Variants in SAMM50 observed in about 807,000 individuals in gnomAD.
The protein encoded by SAMM50 is sorting and assembly machinery component 50 homolog.
A neutral mutation model predicts 66.9 loss-of-function variants in SAMM50; 47 were observed. The ratio of observed to expected loss-of-function variants is 0.70; its 90% confidence interval spans 0.56 to 0.90. SAMM50 has a LOEUF of 0.90. Ranked by LOEUF, SAMM50 falls within the 40% of genes least tolerant of loss-of-function variation. The pLI is 0.00. For synonymous variants in SAMM50, 191 were observed against 214.1 expected (o/e 0.89, Z 0.94); for missense variants, 535 against 595.3 (o/e 0.90, Z 1.05).
intron 10 of SAMM50, among the ~76,000 whole-genome samples, chr22:43,978,432 CAAAAAAAAAAAA>C (rs71313377): frequency 1.4e-5 from 1 of 69,168 alleles, no homozygotes; most frequent in African/African-American, 6.0e-5. Flanking sequence ...GACTCCTTCT[CAAAAAAAAAAAA>C]AAAAAAAAAG....
intron 11 of SAMM50, among the ~76,000 whole-genome samples, chr22:43,982,190 A>G (rs1372718589): frequency 6.6e-6 from 1 of 152,242 alleles, no homozygotes; most frequent in Non-Finnish European, 1.5e-5. Flanking sequence ...TTTTAGGTTT[A>G]TAAACTCTGG....
intron 1 of SAMM50, among the ~76,000 whole-genome samples, chr22:43,959,869 G>A (rs1458278348): frequency 1.3e-5 from 2 of 152,090 alleles, no homozygotes; most frequent in Admixed American, 6.5e-5. Context: ...TATTTACAGG[G>A]TATTAATCCT....
chr22:43,980,296 G>C lies in SAMM50; in HGVS notation c.937-1095G>C, dbSNP rs367907337. 2.1e-5 allele frequency among the ~76,000 whole-genome samples: 3 copies of C among 141,274 alleles called. No individual in the cohort carries two copies. The South Asian group carries it at 7.3e-4, about 35-fold the overall frequency. 92.7% of individuals were successfully genotyped at this position (141,274 alleles called of 152,430 possible). A position where few individuals can be genotyped will look rare whatever the true frequency, so the allele number is the denominator to read the frequency against. On this transcript the variant is annotated intron_variant, in intron 10 of 14. Transcript: ENST00000350028. ...CTGCTCTCAAGGAACTTCCATTCTT[G>C]AGGAGGGAAACCTATAAGCTAGTAT... is the stretch of plus-strand genomic sequence containing the variant.
In SAMM50 at chr22:43,984,819, A is replaced by T. The variant is rs1011030873; in HGVS notation, c.1075+819A>T. 2.0e-5 allele frequency among the ~76,000 whole-genome samples: 3 copies of T among 151,174 alleles called. 1 individual carries two copies. The highest frequency in any genetic ancestry group is 4.2e-4 in the South Asian group (2 of 4,774). ...AACTTTTTGTGTATTTTTAGTAGAG[A>T]CGGGGTTTCATTATGTTGGCCAGAC... On this transcript the variant is annotated intron_variant, in intron 12 of 14. Coordinates refer to ENST00000350028, the MANE Select transcript of SAMM50 (RefSeq NM_015380.5).
At position 43,983,595 on chromosome 22, in the gene SAMM50, G is replaced by A. The variant is rs901717436; in HGVS notation, c.1008-338G>A. Among the ~76,000 whole-genome samples, 2 of 152,070 alleles carry A rather than the reference G, an allele frequency of 1.3e-5. No homozygotes were observed. Among genetic ancestry groups the A allele is most frequent in the Non-Finnish European group, 2.9e-5 (2 of 68,032 alleles). ...CGCACTGTGAGCCAGTAGGAGGCCC[G>A]CCATGAAAAGGAACTGCGTCATGAA... On this transcript the variant is annotated intron_variant, in intron 11 of 14. Coordinates refer to ENST00000350028, the MANE Select transcript of SAMM50 (RefSeq NM_015380.5). This position sits in a 1 kb window ranked among gnomAD's most constrained non-coding sequence, Gnocchi z 4.2.
In SAMM50 at chr22:43,959,507, T is replaced by TACACACACACACACACACAC. The variant is rs138315774; in HGVS notation, c.22-3762_22-3743dup. Reference sequence around the variant, plus strand: ...AAATATTTATTTTATTTTTTTATATTACACACACACACACACACACACACA... The same window carrying TACACACACACACACACACAC: ...AAATATTTATTTTATTTTTTTATATTACACACACACACACACACACACACACACACACACACACACACACA... On this transcript the variant is annotated intron_variant, in intron 1 of 14. Transcript: ENST00000350028. Among the ~76,000 whole-genome samples, 210 of 138,580 alleles carry TACACACACACACACACACAC rather than the reference T, an allele frequency of 1.5e-3. 1 individual carries two copies. The highest frequency in any genetic ancestry group is 1.2e-3 in the South Asian group (5 of 4,066). 90.9% of individuals were successfully genotyped at this position (138,580 alleles called of 152,430 possible).
At chr22:43,993,217 C>G (rs1603420622) in intron 14 of SAMM50, among the ~76,000 whole-genome samples, 1 of 152,194 alleles carries the variant, frequency 6.6e-6, no homozygotes, top group African/African-American at 2.4e-5. Flanking sequence ...GCGAGGGAAG[C>G]TTTAGATACC....
intron 3 of SAMM50, among the ~76,000 whole-genome samples, chr22:43,965,796 T>C (rs1432625508): frequency 2.6e-5 from 4 of 152,206 alleles, no homozygotes; most frequent in Non-Finnish European, 5.9e-5. Context: ...GTCTGTTGGC[T>C]GTGTGGTACC....
At chr22:43,977,754 C>G in intron 9 of SAMM50, 118 bp from the exon 10 acceptor site, 1 of 653,344 alleles carries the variant, frequency 1.5e-6, no homozygotes, top group South Asian at 1.9e-5. Flanking sequence ...ACAGAATTTT[C>G]TGTAGCCTTT....
intron 3 of SAMM50, 36 bp from the exon 4 acceptor site, chr22:43,968,695 G>C (rs781424836): frequency 1.4e-6 from 2 of 1,420,742 alleles, no homozygotes; most frequent in African/African-American, 2.8e-5. Flanking sequence ...TATCGTAGAA[G>C]AATATATTCC....
intron 3 of SAMM50, among the ~76,000 whole-genome samples, chr22:43,966,808 A>ATTTTTTTTTTTT (rs59436064): frequency 6.7e-6 from 1 of 149,802 alleles, no homozygotes; most frequent in Non-Finnish European, 1.5e-5. Context: ...GAGATCCAGC[A>ATTTTTTTTTTTT]TTTTTTTTTT....
intron 14 of SAMM50, among the ~76,000 whole-genome samples, chr22:43,992,437 C>T (rs1419024624): frequency 1.3e-5 from 2 of 152,230 alleles, no homozygotes; most frequent in East Asian, 1.9e-4. Flanking sequence ...TCAGAGATGG[C>T]GGCGGCTGCT....
chr22:43,958,639 T>C (rs1421273427), intron 1 of SAMM50, among the ~76,000 whole-genome samples: 1 of 151,886 alleles, frequency 6.6e-6, no homozygotes, highest in Non-Finnish European at 1.5e-5. Context: ...CCATCACACC[T>C]GGCTAATTTT....
chr22:43,963,115 C>T, intron 1 of SAMM50, 171 bp from the exon 2 acceptor site: 1 of 456,752 alleles, frequency 2.2e-6, no homozygotes, highest in East Asian at 3.5e-5. Context: ...TGCTCATTAG[C>T]AATAGCTGAC....
chr22:43,958,888 G>A (rs2050133732), intron 1 of SAMM50, among the ~76,000 whole-genome samples: 1 of 152,036 alleles, frequency 6.6e-6, no homozygotes, highest in Non-Finnish European at 1.5e-5. Context: ...GTGTCTTTCA[G>A]ACTTTTTGAT....
At chr22:43,986,335 T>C (rs1268389203) in intron 12 of SAMM50, 1 of 151,658 alleles carries the variant, frequency 6.6e-6, no homozygotes, top group Non-Finnish European at 1.5e-5. Flanking sequence ...CCAGCACGCC[T>C]GGCCAAGTTT....
chr22:43,969,653 C>T (rs904709876), intron 4 of SAMM50, among the ~76,000 whole-genome samples: 1 of 152,204 alleles, frequency 6.6e-6, no homozygotes, highest in African/African-American at 2.4e-5. Context: ...GAGCTGAGAC[C>T]TAGAAGATGC....
At chr22:43,981,898 T>G (rs2146822079) in intron 11 of SAMM50, among the ~76,000 whole-genome samples, 1 of 152,372 alleles carries the variant, frequency 6.6e-6, no homozygotes, top group African/African-American at 2.4e-5. Context: ...TAATTTGTGA[T>G]TTTTGTAAAT....
At position 43,990,314 on chromosome 22, in the gene SAMM50, G is replaced by T. The variant is rs757758374; in HGVS notation, c.1272G>T (p.Trp424Cys). 1.2e-6 allele frequency: 2 copies of T among 1,614,056 alleles called. No homozygotes were observed. The highest frequency in any genetic ancestry group is 2.2e-5 in the South Asian group (2 of 91,086). ...HIRKLAECIR[W>C]SYGAGIVLRL... ...GTAAGCTGGCTGAGTGCATCCGCTG[G>T]TCGTACGGGGCCGGGATTGTCCTCA... Residue 424 changes from tryptophan (W) to cysteine (C), a missense_variant, in exon 14 of 15, where the codon TGG (tryptophan) becomes TGT (cysteine). Transcript: ENST00000350028.
Sources: gnomAD v4.1 joint callset for allele counts (sites outside exome capture counted in the v4.1 genomes callset) on GRCh38, gnomAD v4.1.1 for gene constraint, Gnocchi (gnomAD v3.1) non-coding constraint, MANE v1.5 for transcripts, NCBI Gene and HGNC (gene_info 2026-07-23, HGNC 2026-07-21) for gene names.